GALNT18: variants seen among roughly 807,000 people sequenced by gnomAD.
GALNT18 encodes GalNAc-transferase 18.
Under a neutral mutation model 69.5 loss-of-function variants are expected in GALNT18, and 44 were observed. The ratio of observed to expected loss-of-function variants is 0.63; its 90% confidence interval spans 0.50 to 0.81. The LOEUF is 0.81. GALNT18 is among the 40% of genes least tolerant of loss of function. The pLI is 0.00. For missense variants in GALNT18, 715 were observed against 810.0 expected (o/e 0.88, Z 1.42); for synonymous variants, 364 against 318.2 (o/e 1.14, Z -1.53).
rs369363134 is a variant in GALNT18 at position 11,516,112 on chromosome 11, C to T, written c.236-67176G>A. ...GGCCGTCACCACAGCCGCCTTCTAG[C>T]CCCTGATCAGGCACAGGGCCCTCAG... On this transcript the variant is annotated intron_variant, in intron 1 of 10. Coordinates refer to ENST00000227756, the MANE Select transcript of GALNT18 (RefSeq NM_198516.3). Among the ~76,000 whole-genome samples the T allele has an allele frequency of 5.9e-5, 9 of 152,294 alleles. No individual in the cohort carries two copies. The East Asian group carries it at 1.5e-3, about 26-fold the overall frequency.
At chr11:11,565,276 G>C (rs1858617054) in intron 1 of GALNT18, among the ~76,000 whole-genome samples, 1 of 152,190 alleles carries the variant, frequency 6.6e-6, no homozygotes, top group African/African-American at 2.4e-5. Flanking sequence ...CTGCCACATA[G>C]GGGTGGCTGG....
At chr11:11,579,653 GGCAGTGAAAGA>G (rs146899154) in intron 1 of GALNT18, among the ~76,000 whole-genome samples, 27,560 of 152,012 alleles carry the variant, frequency 0.18, 2,747 homozygotes, top group Admixed American at 0.26. Context: ...TGTGAGGAGG[GGCAGTGAAAGA>G]GCAGGTACGA....
intron 1 of GALNT18, among the ~76,000 whole-genome samples, chr11:11,479,040 C>T (rs1230400702): frequency 1.3e-5 from 2 of 152,230 alleles, no homozygotes; most frequent in African/African-American, 2.4e-5. Flanking sequence ...TCTGGAAAAA[C>T]TGTCCATGCC....
chr11:11,364,472 G>C (rs924320579), intron 6 of GALNT18, among the ~76,000 whole-genome samples: 22 of 152,100 alleles, frequency 1.4e-4, no homozygotes, highest in Non-Finnish European at 3.1e-4. Flanking sequence ...TGACATCAGG[G>C]GAATGTAATC....
Position 11,432,473 on chromosome 11 carries a change from G to T in GALNT18, c.595+148C>A. ...GCTCAGACGGAGTGAACCTTCTGAAGCAGTGGCCACCATGAATTTCTCATC... is the reference window on the plus strand; with the variant it reads ...GCTCAGACGGAGTGAACCTTCTGAATCAGTGGCCACCATGAATTTCTCATC... On this transcript the variant is annotated intron_variant, in intron 3 of 10. Transcript: ENST00000227756. The surrounding 1 kb of genome is among the most constrained non-coding windows in gnomAD (Gnocchi z 5.8). 1 of 789,588 alleles carries T rather than the reference G, an allele frequency of 1.3e-6. No homozygotes were observed. Among genetic ancestry groups the T allele is most frequent in the Non-Finnish European group, 2.0e-6 (1 of 504,790 alleles). 48.9% of individuals were successfully genotyped at this position (789,588 alleles called of 1,614,324 possible). A position where few individuals can be genotyped will look rare whatever the true frequency, so the allele number is the denominator to read the frequency against.
chr11:11,431,012 C>T (rs1278535629), intron 3 of GALNT18, among the ~76,000 whole-genome samples: 1 of 152,200 alleles, frequency 6.6e-6, no homozygotes, highest in East Asian at 1.9e-4. Flanking sequence ...ATCTGATTCA[C>T]TTTCCTTATC....
In GALNT18 at chr11:11,337,767, A is replaced by T. The variant is rs1266546835; in HGVS notation, c.1278+3052T>A. Among the ~76,000 whole-genome samples the T allele has an allele frequency of 6.6e-6, 1 of 152,004 alleles. No individual in the cohort carries two copies. The highest frequency in any genetic ancestry group is 2.4e-5 in the African/African-American group (1 of 41,362). ...AGGTGTGAGAAACAGCATGGCATGGACGGTATGTAATGGGCAGTTCCCATA... is the reference window on the plus strand; with the variant it reads ...AGGTGTGAGAAACAGCATGGCATGGTCGGTATGTAATGGGCAGTTCCCATA... On this transcript the variant is annotated intron_variant, in intron 7 of 10. Coordinates refer to ENST00000227756, the MANE Select transcript of GALNT18 (RefSeq NM_198516.3). The surrounding 1 kb of genome is among the most constrained non-coding windows in gnomAD (Gnocchi z 4.9).
At chr11:11,566,859 G>C (rs2133990890) in intron 1 of GALNT18, among the ~76,000 whole-genome samples, 1 of 152,324 alleles carries the variant, frequency 6.6e-6, no homozygotes, top group Non-Finnish European at 1.5e-5. Flanking sequence ...GCACCGGCTT[G>C]TTTTTCTGCA....
chr11:11,578,348 A>AAAAAAAAAAAAC (rs1554954037), intron 1 of GALNT18, among the ~76,000 whole-genome samples: 1 of 150,252 alleles, frequency 6.7e-6, no homozygotes, highest in African/African-American at 2.5e-5. Context: ...AAAAAAAAAA[A>AAAAAAAAAAAAC]CTCAATAAGC....
At chr11:11,426,012 G>A (rs1469459502) in intron 3 of GALNT18, among the ~76,000 whole-genome samples, 1 of 152,254 alleles carries the variant, frequency 6.6e-6, no homozygotes, top group Non-Finnish European at 1.5e-5. Context: ...CAGGCTCAGA[G>A]CTGTGCTCCC....
intron 6 of GALNT18, among the ~76,000 whole-genome samples, chr11:11,351,278 C>T (rs1408971836): frequency 6.6e-6 from 1 of 152,150 alleles, no homozygotes; most frequent in Non-Finnish European, 1.5e-5. Context: ...AACTCAGAAC[C>T]AGAGCAGAGG....
In GALNT18 at chr11:11,573,767, C is replaced by G. The variant is rs7945028; in HGVS notation, c.235+47592G>C. The G allele has an allele frequency of 9.9e-5, 15 of 152,278 alleles. No homozygotes were observed. Among genetic ancestry groups the G allele is most frequent in the African/African-American group, 3.1e-4 (13 of 41,454 alleles). 9.4% of individuals were successfully genotyped at this position (152,278 alleles called of 1,614,324 possible). ...CCTCATCATGGTCTCAATAAACCCA[C>G]TTGGAAGATGCCCATGCATGAGCGT... On this transcript the variant is annotated intron_variant, in intron 1 of 10. Transcript: ENST00000227756. This position sits in a 1 kb window ranked among gnomAD's most constrained non-coding sequence, Gnocchi z 4.6.
At chr11:11,442,951 A>G (rs963569023) in intron 2 of GALNT18, among the ~76,000 whole-genome samples, 1 of 152,196 alleles carries the variant, frequency 6.6e-6, no homozygotes, top group Non-Finnish European at 1.5e-5. Flanking sequence ...AGTGCGTGCC[A>G]GAGGCTCTGC....
intron 1 of GALNT18, among the ~76,000 whole-genome samples, chr11:11,536,327 C>T (rs542080517): frequency 3.9e-5 from 6 of 152,314 alleles, no homozygotes; most frequent in Admixed American, 1.3e-4. Flanking sequence ...GGTTAGCAAA[C>T]GAAGTTTCCA....
intron 8 of GALNT18, among the ~76,000 whole-genome samples, chr11:11,331,007 C>G (rs1850008861): frequency 6.6e-6 from 1 of 152,202 alleles, no homozygotes; most frequent in Non-Finnish European, 1.5e-5. Flanking sequence ...CGTAACTCTC[C>G]TTTTAGGATT....
At chr11:11,433,930 A>C (rs1456577188) in intron 2 of GALNT18, among the ~76,000 whole-genome samples, 1 of 152,138 alleles carries the variant, frequency 6.6e-6, no homozygotes, top group East Asian at 1.9e-4. Flanking sequence ...ACCATGTTCC[A>C]CTGCTCCAGA....
rs1046954409 is a variant in GALNT18 at position 11,309,032 on chromosome 11, T to A, written c.1513-15839A>T. 2.6e-5 allele frequency among the ~76,000 whole-genome samples: 4 copies of A among 152,008 alleles called. No individual in the cohort carries two copies. The highest frequency in any genetic ancestry group is 7.2e-5 in the African/African-American group (3 of 41,406). ...CAAAGTTCATGTGTTGAAAACTTGA[T>A]CCTTAATGTGGTGGTGCTGGGAGGT... On this transcript the variant is annotated intron_variant, in intron 9 of 10. Transcript: ENST00000227756. The surrounding 1 kb of genome is among the most constrained non-coding windows in gnomAD (Gnocchi z 4.6).
chr11:11,557,239 T>C (rs561486022), intron 1 of GALNT18, among the ~76,000 whole-genome samples: 351 of 152,346 alleles, frequency 2.3e-3, no homozygotes, highest in Non-Finnish European at 3.6e-3. Flanking sequence ...ATTGGAGTTT[T>C]ATGTTATATT....
In GALNT18 at chr11:11,352,040, A is replaced by T. The variant is rs7945066; in HGVS notation, c.1093-11036T>A. 2.4e-5 allele frequency: 38 copies of T among 1,613,364 alleles called. No individual in the cohort carries two copies. The Middle Eastern group carries it at 4.9e-4, about 21-fold the overall frequency. On this transcript the variant is annotated intron_variant, in intron 6 of 10. Transcript: ENST00000227756. ...CTGCCAGAGGTCCAAGGGGTGAAGG[A>T]GTTGGCACTGAAGAAATCCCTGACA...
Sources: allele counts gnomAD v4.1 joint callset (sites outside exome capture counted in the v4.1 genomes callset), GRCh38; gene constraint gnomAD v4.1.1; non-coding constraint Gnocchi (gnomAD v3.1); transcripts MANE v1.5; gene names NCBI Gene and HGNC (gene_info 2026-07-23, HGNC 2026-07-21).